TBXAS1: variants seen among roughly 807,000 people sequenced by gnomAD.
TBXAS1 encodes thromboxane-A synthase.
A neutral mutation model predicts 60.7 loss-of-function variants in TBXAS1; 48 were observed. The observed-to-expected ratio is 0.79, with a 90% CI of 0.63 to 1.01. TBXAS1 has a LOEUF of 1.01. TBXAS1 is among the 50% of genes least tolerant of loss of function. The pLI is 0.00. For missense variants in TBXAS1, 685 were observed against 686.3 expected, an observed-to-expected ratio of 1.00 and a Z score of 0.02; for synonymous variants, 287 against 269.7, an observed-to-expected ratio of 1.06 and a Z score of -0.63.
chr7:139,826,435 A>G (rs570909302), upstream of TBXAS1, among the ~76,000 whole-genome samples: 3 of 152,216 alleles, frequency 2.0e-5, no homozygotes, highest in South Asian at 2.1e-4. Context: ...AATAATTTTC[A>G]TAATACGTCT....
intron 1 of TBXAS1, among the ~76,000 whole-genome samples, chr7:139,840,446 A>C (rs1258379965): frequency 6.6e-6 from 1 of 152,196 alleles, no homozygotes; most frequent in African/African-American, 2.4e-5. Context: ...GATTCATAGA[A>C]TATCAAAGGC....
At chr7:139,821,607 A>G (rs1798298706) in intron 4 of TBXAS1, among the ~76,000 whole-genome samples, 1 of 152,236 alleles carries the variant, frequency 6.6e-6, no homozygotes, top group African/African-American at 2.4e-5. Context: ...CAGGGGAAAC[A>G]CACAGATGGC....
chr7:139,941,963 C>T (rs42335), intron 5 of TBXAS1, among the ~76,000 whole-genome samples: 26,404 of 152,180 alleles, frequency 0.17, 2,926 homozygotes, highest in Non-Finnish European at 0.23. Context: ...AGAGAGAACA[C>T]AGTGGAATCT....
chr7:139,983,992 G>GC (rs1197814251), intron 9 of TBXAS1, among the ~76,000 whole-genome samples: 2 of 152,194 alleles, frequency 1.3e-5, no homozygotes, highest in African/African-American at 4.8e-5. Flanking sequence ...TGCACAAACA[G>GC]CATCTTGCAG....
chr7:139,919,614 A>T (rs1806290848), intron 4 of TBXAS1, among the ~76,000 whole-genome samples: 1 of 152,174 alleles, frequency 6.6e-6, no homozygotes, highest in African/African-American at 2.4e-5. Flanking sequence ...CCGATAATAC[A>T]TGAACCCGGT....
intron 5 of TBXAS1, among the ~76,000 whole-genome samples, chr7:139,950,285 C>T (rs1337516558): frequency 3.9e-5 from 6 of 152,068 alleles, no homozygotes; most frequent in Admixed American, 1.3e-4. Context: ...ATCCGCCTGC[C>T]TTGGCCTCCG....
intron 5 of TBXAS1, among the ~76,000 whole-genome samples, chr7:139,947,586 C>A (rs961867746): frequency 6.6e-6 from 1 of 152,226 alleles, no homozygotes. Context: ...AAACTGGGTA[C>A]TTTAATTACA....
At chr7:139,971,476 T>C (rs1229640756) in intron 9 of TBXAS1, among the ~76,000 whole-genome samples, 4 of 152,218 alleles carry the variant, frequency 2.6e-5, no homozygotes, top group Non-Finnish European at 5.9e-5. Flanking sequence ...CATTTCATTG[T>C]TATGCACACA....
At chr7:139,979,829 GT>G (rs895330946) in intron 9 of TBXAS1, among the ~76,000 whole-genome samples, 10 of 150,718 alleles carry the variant, frequency 6.6e-5, no homozygotes, top group African/African-American at 2.2e-4. Context: ...GTTTTTTGGG[GT>G]TTTTTTTATG....
intron 4 of TBXAS1, among the ~76,000 whole-genome samples, chr7:139,929,608 A>T (rs879891420): frequency 2.6e-5 from 4 of 152,254 alleles, no homozygotes; most frequent in Non-Finnish European, 4.4e-5. Context: ...AAAGAAATTT[A>T]GAACTCATAT....
chr7:139,905,407 G>C (rs1188751393), intron 3 of TBXAS1, among the ~76,000 whole-genome samples: 1 of 151,972 alleles, frequency 6.6e-6, no homozygotes, highest in Non-Finnish European at 1.5e-5. Context: ...TGTTTATGTG[G>C]TGTATCACAT....
At chr7:139,853,869 T>G (rs543624800) in intron 1 of TBXAS1, among the ~76,000 whole-genome samples, 1 of 152,210 alleles carries the variant, frequency 6.6e-6, no homozygotes, top group Non-Finnish European at 1.5e-5. Context: ...CTGCTCTTCA[T>G]TGGCAATCAT....
intron 3 of TBXAS1, among the ~76,000 whole-genome samples, chr7:139,885,104 T>G (rs1476706011): frequency 3.3e-5 from 5 of 152,158 alleles, no homozygotes; most frequent in Admixed American, 2.6e-4. Flanking sequence ...GGCTGGAGCG[T>G]CAGCCACAGA....
At chr7:139,893,971 T>A (rs1307273252) in intron 3 of TBXAS1, among the ~76,000 whole-genome samples, 1 of 152,246 alleles carries the variant, frequency 6.6e-6, no homozygotes, top group African/African-American at 2.4e-5. Flanking sequence ...TATTGTAGCT[T>A]GACAGAGTCA....
At position 139,997,838 on chromosome 7, in the gene TBXAS1, T is replaced by C. The variant is rs149090832; in HGVS notation, c.1135-9253T>C. 3.2e-3 allele frequency among the ~76,000 whole-genome samples: 494 copies of C among 152,276 alleles called. 3 individuals are homozygous for C. The highest frequency in any genetic ancestry group is 0.012 in the African/African-American group (484 of 41,550). The stretch of plus-strand genomic sequence containing the variant: ...TTGCAATATCTACTAAAGCTGAACA[T>C]ACACATCCCTCATGACCCGGCAGTG... On this transcript the variant is annotated intron_variant, in intron 9 of 12. Transcript: ENST00000448866.
At chr7:139,938,766 T>C (rs1481528538) in intron 5 of TBXAS1, among the ~76,000 whole-genome samples, 1 of 151,938 alleles carries the variant, frequency 6.6e-6, no homozygotes, top group Non-Finnish European at 1.5e-5. Context: ...AAGAACCTCA[T>C]GTGTGAAAAA....
At chr7:139,805,702 CTTTCTTTCTT>C (rs776902019) in intron 4 of TBXAS1, among the ~76,000 whole-genome samples, 7,861 of 41,912 alleles carry the variant, frequency 0.19, 319 homozygotes, top group Middle Eastern at 0.27. Context: ...TTCTTTCTTT[CTTTCTTTCTT>C]TCTCTCTCTC....
At chr7:139,818,905 T>C (rs1254418164) in intron 4 of TBXAS1, among the ~76,000 whole-genome samples, 1 of 152,194 alleles carries the variant, frequency 6.6e-6, no homozygotes, top group African/African-American at 2.4e-5. Context: ...TTGGGAATAC[T>C]GGGTCAGATG....
At chr7:139,835,651 A>G (rs982545418) in intron 1 of TBXAS1, among the ~76,000 whole-genome samples, 3 of 152,214 alleles carry the variant, frequency 2.0e-5, no homozygotes, top group Non-Finnish European at 4.4e-5. Flanking sequence ...GCCATCTATC[A>G]CAAACCCACA....
Sources: allele counts gnomAD v4.1 joint callset (sites outside exome capture counted in the v4.1 genomes callset), GRCh38; gene constraint gnomAD v4.1.1; transcripts MANE v1.5; gene names NCBI Gene and HGNC (gene_info 2026-07-23, HGNC 2026-07-21).